CYTH3: variants seen among roughly 807,000 people sequenced by gnomAD.
CYTH3 encodes cytohesin 3.
A neutral mutation model predicts 55.1 loss-of-function variants in CYTH3; 23 were observed. That is an observed-to-expected ratio of 0.42 (90% confidence interval 0.30 to 0.59). The LOEUF (loss-of-function observed/expected upper bound fraction) is 0.59. Ranked by LOEUF, CYTH3 falls within the 20% of genes least tolerant of loss-of-function variation. The pLI, the probability that CYTH3 is intolerant of heterozygous loss-of-function variation, is 0.20. For synonymous variants in CYTH3, 249 were observed against 194.9 expected (o/e 1.28, Z -2.31); for missense variants, 413 against 524.8 (o/e 0.79, Z 2.08).
chr7:6,220,888 T>C (rs945874798), intron 1 of CYTH3, among the ~76,000 whole-genome samples: 1 of 151,998 alleles, frequency 6.6e-6, no homozygotes, highest in Non-Finnish European at 1.5e-5. Flanking sequence ...CCCAGCCAAT[T>C]GGGAGGCAGT....
chr7:6,217,718 TC>T (rs111654436), intron 1 of CYTH3, among the ~76,000 whole-genome samples: 119 of 152,158 alleles, frequency 7.8e-4, no homozygotes, highest in African/African-American at 2.7e-3. Context: ...TATAGAACAC[TC>T]CCACCAACAG....
intron 1 of CYTH3, among the ~76,000 whole-genome samples, chr7:6,197,989 G>A (rs1296630387): frequency 1.3e-4 from 19 of 151,548 alleles, no homozygotes; most frequent in African/African-American, 4.1e-4. Flanking sequence ...GGGTACTCAA[G>A]AGGCTGAAGT....
chr7:6,252,486 G>T (rs919760154), intron 1 of CYTH3, among the ~76,000 whole-genome samples: 1 of 152,106 alleles, frequency 6.6e-6, no homozygotes, highest in African/African-American at 2.4e-5. Context: ...CATCTGAAAG[G>T]GAGACTCCGA....
At chr7:6,229,710 A>C (rs1779340152) in intron 1 of CYTH3, among the ~76,000 whole-genome samples, 1 of 151,070 alleles carries the variant, frequency 6.6e-6, no homozygotes, top group Admixed American at 6.6e-5. Context: ...CCAGCTACAG[A>C]GGAAGCTGAG....
In CYTH3 at chr7:6,222,209, C is replaced by T. The variant is rs892170721; in HGVS notation, c.35-31678G>A. Among the ~76,000 whole-genome samples the T allele has an allele frequency of 5.3e-5, 8 of 152,244 alleles. No individual in the cohort carries two copies. In the East Asian group the frequency reaches 1.5e-3, roughly 29 times the overall value. ...GATCAAGGTGCTAATGAAAAAGCAGCCAGACTTCCAAAGGCAGAGATGTCA... is the reference window on the plus strand; with the variant it reads ...GATCAAGGTGCTAATGAAAAAGCAGTCAGACTTCCAAAGGCAGAGATGTCA... On this transcript the variant is annotated intron_variant, in intron 1 of 12. Coordinates refer to ENST00000350796, the MANE Select transcript of CYTH3 (RefSeq NM_004227.4).
chr7:6,248,608 C>A (rs1403971430), intron 1 of CYTH3, among the ~76,000 whole-genome samples: 3 of 152,220 alleles, frequency 2.0e-5, no homozygotes, highest in African/African-American at 4.8e-5. Flanking sequence ...CCTCTGGCCT[C>A]CCAGTTCAGC....
chr7:6,205,992 C>T (rs1426897616), intron 1 of CYTH3, among the ~76,000 whole-genome samples: 2 of 136,216 alleles, frequency 1.5e-5, no homozygotes, highest in East Asian at 4.6e-4. Context: ...AAACCCAAAA[C>T]AGAAAATAAT....
At chr7:6,240,582 G>A (rs1425881481) in intron 1 of CYTH3, among the ~76,000 whole-genome samples, 1 of 152,138 alleles carries the variant, frequency 6.6e-6, no homozygotes, top group Non-Finnish European at 1.5e-5. Flanking sequence ...AAAGTGGCAA[G>A]GTAAAGATGA....
intron 1 of CYTH3, among the ~76,000 whole-genome samples, chr7:6,191,292 A>AAAAT (rs945896424): frequency 7.2e-5 from 11 of 152,042 alleles, no homozygotes; most frequent in Non-Finnish European, 1.2e-4. Context: ...TACAAAAATT[A>AAAAT]AAATAAATAA....
intron 1 of CYTH3, among the ~76,000 whole-genome samples, chr7:6,242,610 T>G (rs924128434): frequency 6.8e-6 from 1 of 146,000 alleles, no homozygotes; most frequent in African/African-American, 2.5e-5. Flanking sequence ...CTCCTGATCT[T>G]GTGATCCGCC....
At chr7:6,201,114 G>A (rs1056122628) in intron 1 of CYTH3, among the ~76,000 whole-genome samples, 4 of 152,300 alleles carry the variant, frequency 2.6e-5, no homozygotes, top group East Asian at 1.9e-4. Flanking sequence ...ATGATGACAC[G>A]CAGAACAAAA....
intron 1 of CYTH3, among the ~76,000 whole-genome samples, chr7:6,214,818 T>C (rs1418655685): frequency 6.6e-6 from 1 of 152,162 alleles, no homozygotes; most frequent in African/African-American, 2.4e-5. Flanking sequence ...TGATAAAAAC[T>C]GATGCCAAAG....
In CYTH3 at chr7:6,165,734, T is replaced by C. The variant is rs1451416175; in HGVS notation, c.900A>G (p.Thr300=). The C allele has an allele frequency of 5.0e-6, 8 of 1,613,992 alleles. No individual in the cohort carries two copies. The highest frequency in any genetic ancestry group is 1.7e-5 in the Admixed American group (1 of 60,002). The change falls in exon 10 of 13, where the codon ACA becomes ACG. Residue 300 remains threonine, a splice_region_variant and synonymous_variant. Transcript: ENST00000350796. ...DNCLYYFEYT[T]DKEPRGIIPL... The stretch of plus-strand genomic sequence containing the variant: ...GCAAGGAGGCCTGGCCCTTACTTAC[T>C]GTTGTGTATTCAAAGTAATAGAGGC...
chr7:6,180,605 A>G (rs572941715), intron 4 of CYTH3, among the ~76,000 whole-genome samples: 2 of 152,182 alleles, frequency 1.3e-5, no homozygotes, highest in Non-Finnish European at 2.9e-5. Flanking sequence ...GCGAGAATAG[A>G]TTTCTCTTGT....
intron 1 of CYTH3, among the ~76,000 whole-genome samples, chr7:6,192,787 C>T (rs984855863): frequency 1.2e-4 from 18 of 150,110 alleles, no homozygotes; most frequent in Admixed American, 1.0e-3. Context: ...CCCGTCTTGG[C>T]CTCCCAAAAT....
intron 1 of CYTH3, among the ~76,000 whole-genome samples, chr7:6,253,391 T>TA (rs1377478993): frequency 2.6e-5 from 4 of 151,886 alleles, no homozygotes; most frequent in Non-Finnish European, 2.9e-5. Flanking sequence ...GTATTTTTAG[T>TA]AGAGATAGGG....
chr7:6,172,756 A>G, intron 6 of CYTH3: 1 of 1,252,526 alleles, frequency 8.0e-7, no homozygotes, highest in Non-Finnish European at 1.0e-6. Flanking sequence ...CTCTGGATGT[A>G]CAGCTTCCAG....
At chr7:6,235,336 G>C (rs928506687) in intron 1 of CYTH3, among the ~76,000 whole-genome samples, 1 of 152,110 alleles carries the variant, frequency 6.6e-6, no homozygotes, top group African/African-American at 2.4e-5. Flanking sequence ...AATTATCTGG[G>C]TGTGGTGGCA....
chr7:6,165,670 C>T (rs1782978345), intron 10 of CYTH3, 54 bp from the exon 11 acceptor site: 8 of 1,612,928 alleles, frequency 5.0e-6, no homozygotes, highest in Non-Finnish European at 3.4e-6. Context: ...GCCTGAGGGT[C>T]CCTCGGCCCC....
Sources: allele counts gnomAD v4.1 joint callset (sites outside exome capture counted in the v4.1 genomes callset), GRCh38; gene constraint gnomAD v4.1.1; transcripts MANE v1.5; gene names NCBI Gene and HGNC (gene_info 2026-07-23, HGNC 2026-07-21).